Variants in AKT3 observed in about 807,000 individuals in gnomAD.
AKT3 encodes AKT serine/threonine kinase 3, also known as RAC-gamma serine/threonine-protein kinase.
A neutral mutation model predicts 65.3 loss-of-function variants in AKT3; 15 were observed. The observed-to-expected ratio is 0.23, with a 90% confidence interval of 0.15 to 0.35. AKT3 has a LOEUF of 0.35. Among genes scored for constraint, AKT3 ranks in the 10% least tolerant of loss-of-function variants. The pLI, the probability that AKT3 is intolerant of heterozygous loss-of-function variation, is 1.00. For synonymous variants in AKT3, 206 were observed against 183.8 expected (o/e 1.12, Z -0.98); for missense variants, 243 against 576.5 (o/e 0.42, Z 5.92).
chr1:243,499,038 A>G (rs1272948601), downstream of AKT3, among the ~76,000 whole-genome samples: 1 of 152,226 alleles, frequency 6.6e-6, no homozygotes, highest in Non-Finnish European at 1.5e-5. Context: ...AAACATTTCC[A>G]GTGGCTTCTG....
intron 2 of AKT3, among the ~76,000 whole-genome samples, chr1:243,797,089 C>T (rs1385224377): frequency 2.0e-5 from 3 of 151,772 alleles, no homozygotes; most frequent in Non-Finnish European, 2.9e-5. Context: ...TACTTGATGT[C>T]GCTGAAACGT....
chr1:243,799,474 A>G (rs1038778343), intron 2 of AKT3, among the ~76,000 whole-genome samples: 4 of 152,234 alleles, frequency 2.6e-5, no homozygotes, highest in Non-Finnish European at 5.9e-5. Context: ...TGACTCATTA[A>G]GCAAATTCAT....
At chr1:243,519,301 G>A (rs1350027502) in intron 12 of AKT3, among the ~76,000 whole-genome samples, 3 of 152,118 alleles carry the variant, frequency 2.0e-5, no homozygotes, top group Non-Finnish European at 2.9e-5. Context: ...CACCCAGATC[G>A]GCTGCAGACA....
intron 8 of AKT3, among the ~76,000 whole-genome samples, chr1:243,583,195 T>TATATATATATATATAC (rs759291565): frequency 4.3e-4 from 38 of 88,230 alleles, no homozygotes; most frequent in African/African-American, 1.9e-3. Context: ...TATATATATA[T>TATATATATATATATAC]ACACACACAC....
chr1:243,667,568 C>G, intron 3 of AKT3, among the ~76,000 whole-genome samples: 1 of 152,196 alleles, frequency 6.6e-6, no homozygotes, highest in Non-Finnish European at 1.5e-5. Context: ...CTACCTCAGA[C>G]TAAGCCATCA....
intron 8 of AKT3, among the ~76,000 whole-genome samples, chr1:243,590,016 C>T (rs1040672065): frequency 6.6e-6 from 1 of 152,066 alleles, no homozygotes; most frequent in Non-Finnish European, 1.5e-5. Context: ...GTATGATCCA[C>T]TTATATGGGG....
chr1:243,615,226 T>G (rs1372867445), intron 6 of AKT3, 65 bp from the exon 7 acceptor site: 1 of 1,282,500 alleles, frequency 7.8e-7, no homozygotes, highest in African/African-American at 1.5e-5. Flanking sequence ...AATTTCACTA[T>G]TTCTCTAAAA....
chr1:243,509,073 T>C (rs892685003), intron 13 of AKT3, among the ~76,000 whole-genome samples: 13 of 152,204 alleles, frequency 8.5e-5, no homozygotes, highest in Non-Finnish European at 1.8e-4. Flanking sequence ...TGTCTCAATC[T>C]AGAAGTGAAC....
At chr1:243,525,920 T>A (rs528098295) in intron 12 of AKT3, among the ~76,000 whole-genome samples, 48 of 147,170 alleles carry the variant, frequency 3.3e-4, no homozygotes, top group Admixed American at 6.9e-4. Context: ...AAGAAGGATA[T>A]GCAAGAGATT....
At chr1:243,790,754 T>G (rs1464344121) in intron 2 of AKT3, among the ~76,000 whole-genome samples, 1 of 152,190 alleles carries the variant, frequency 6.6e-6, no homozygotes, top group East Asian at 1.9e-4. Flanking sequence ...TTCCTTTCAC[T>G]TGAACATGTA....
intron 2 of AKT3, among the ~76,000 whole-genome samples, chr1:243,704,439 A>G (rs1012403940): frequency 6.6e-6 from 1 of 152,192 alleles, no homozygotes; most frequent in Non-Finnish European, 1.5e-5. Flanking sequence ...TGAGTTGACT[A>G]ATTAAAATTT....
chr1:243,695,586 C>T lies in AKT3; in HGVS notation c.172+5G>A. The T allele has an allele frequency of 6.3e-7, 1 of 1,580,450 alleles. No individual in the cohort carries two copies. The highest frequency in any genetic ancestry group is 1.2e-5 in the South Asian group (1 of 85,532). On this transcript the variant is annotated splice_donor_5th_base_variant and intron_variant, in intron 3 of 13. Transcript: ENST00000673466. ...AAGATGAATCAACAATTATAATTAA[C>T]TTACTTGCCACTGAAAAGTTGTTGA... is the stretch of plus-strand genomic sequence containing the variant.
intron 8 of AKT3, among the ~76,000 whole-genome samples, chr1:243,590,324 C>T (rs1676136028): frequency 2.0e-5 from 3 of 152,228 alleles, no homozygotes; most frequent in Admixed American, 6.5e-5. Context: ...ACAATACATA[C>T]ACGTATCAAA....
At chr1:243,541,123 T>C (rs570395564) in intron 12 of AKT3, among the ~76,000 whole-genome samples, 1 of 152,206 alleles carries the variant, frequency 6.6e-6, no homozygotes, top group African/African-American at 2.4e-5. Context: ...CCTAAACTTT[T>C]GCTTACTAAT....
At chr1:243,671,609 A>G (rs568365650) in intron 3 of AKT3, among the ~76,000 whole-genome samples, 2 of 152,332 alleles carry the variant, frequency 1.3e-5, no homozygotes, top group South Asian at 2.1e-4. Context: ...ATTTAATCCA[A>G]TGAGCGGAAG....
intron 2 of AKT3, among the ~76,000 whole-genome samples, chr1:243,804,110 C>T (rs1426634767): frequency 6.6e-6 from 1 of 152,144 alleles, no homozygotes; most frequent in African/African-American, 2.4e-5. Context: ...TCTTGGACTC[C>T]CATTTACTTA....
At chr1:243,760,563 T>TA (rs1572294794) in intron 2 of AKT3, among the ~76,000 whole-genome samples, 1 of 152,190 alleles carries the variant, frequency 6.6e-6, no homozygotes, top group Non-Finnish European at 1.5e-5. Flanking sequence ...CTGGGTGCTT[T>TA]AGGGGTCATT....
chr1:243,809,058 T>A (rs1045787308), intron 2 of AKT3, among the ~76,000 whole-genome samples: 2 of 152,130 alleles, frequency 1.3e-5, no homozygotes, highest in Non-Finnish European at 2.9e-5. Flanking sequence ...GAACAACCAG[T>A]ACCAGCCACT....
chr1:243,643,429 T>C (rs1329966410), intron 5 of AKT3, among the ~76,000 whole-genome samples: 1 of 152,228 alleles, frequency 6.6e-6, no homozygotes, highest in Non-Finnish European at 1.5e-5. Flanking sequence ...TTCACATACT[T>C]GACAAGGCAT....
Sources: gnomAD v4.1 joint callset for allele counts (sites outside exome capture counted in the v4.1 genomes callset) on GRCh38, gnomAD v4.1.1 for gene constraint, MANE v1.5 for transcripts, NCBI Gene and HGNC (gene_info 2026-07-23, HGNC 2026-07-21) for gene names.